MGA: variants seen among roughly 807,000 people sequenced by gnomAD.
MGA encodes the protein MAX gene-associated protein.
A neutral mutation model predicts 261.1 loss-of-function variants in MGA; 40 were observed. The observed-to-expected ratio is 0.15, with a 90% CI of 0.12 to 0.20. The LOEUF is 0.20. MGA is among the 10% of genes least tolerant of loss of function. MGA has a pLI of 1.00. For missense variants in MGA, 3,397 were observed against 3,630.5 expected, an observed-to-expected ratio of 0.94 and a Z score of 1.65; for synonymous variants, 1,302 against 1,290.6, an observed-to-expected ratio of 1.01 and a Z score of -0.19.
intron 1 of MGA, among the ~76,000 whole-genome samples, chr15:41,627,854 A>G (rs1445678260): frequency 6.6e-6 from 1 of 152,240 alleles, no homozygotes; most frequent in Non-Finnish European, 1.5e-5. Context: ...CTGGTAATCA[A>G]GAATTGGATC....
chr15:41,702,915 G>T (rs1240943749), intron 5 of MGA, among the ~76,000 whole-genome samples: 2 of 144,672 alleles, frequency 1.4e-5, no homozygotes, highest in Non-Finnish European at 3.0e-5. Flanking sequence ...GAAAAATTAA[G>T]AACACAGTGC....
chr15:41,661,302 CCT>C (rs1038987510), intron 1 of MGA, among the ~76,000 whole-genome samples: 1 of 151,922 alleles, frequency 6.6e-6, no homozygotes, highest in African/African-American at 2.4e-5. Flanking sequence ...AGGTCTCTGC[CCT>C]CAGTGCAAGG....
chr15:41,718,152 A>G (rs1029068611), intron 9 of MGA, among the ~76,000 whole-genome samples: 2 of 151,716 alleles, frequency 1.3e-5, no homozygotes, highest in African/African-American at 4.8e-5. Flanking sequence ...TTTGCCATAT[A>G]ACAGATTAAA....
intron 2 of MGA, among the ~76,000 whole-genome samples, chr15:41,692,288 G>A (rs955444494): frequency 1.3e-5 from 2 of 152,148 alleles, no homozygotes; most frequent in Non-Finnish European, 2.9e-5. Flanking sequence ...TTATTTCCAG[G>A]CCAGCCTTTC....
In MGA at chr15:41,748,009, C is replaced by A. The variant is rs776758470; in HGVS notation, c.5213-628C>A. 1.5e-3 allele frequency among the ~76,000 whole-genome samples: 226 copies of A among 152,280 alleles called. 2 individuals carry two copies. Among genetic ancestry groups the A allele is most frequent in the Non-Finnish European group, 6.3e-4 (43 of 68,020 alleles). ...TGGTGGCTCATGGCTGCAGTCCCAG[C>A]ACTTTGGAAGGCCGAGATGGCAGGA... On this transcript the variant is annotated intron_variant, in intron 15 of 23. Coordinates refer to ENST00000219905, the MANE Select transcript of MGA (RefSeq NM_001164273.2).
rs201801950 is a variant in MGA at position 41,725,865 on chromosome 15, T to A, written c.3431-1315T>A. Among the ~76,000 whole-genome samples the A allele has an allele frequency of 7.4e-3, 984 of 132,374 alleles. 256 individuals are homozygous for A. The highest frequency in any genetic ancestry group is 0.016 in the African/African-American group (495 of 30,062). 86.8% of individuals were successfully genotyped at this position (132,374 alleles called of 152,430 possible). A position where few individuals can be genotyped will look rare whatever the true frequency, so the allele number is the denominator to read the frequency against. On this transcript the variant is annotated intron_variant, in intron 9 of 23. Transcript: ENST00000219905. ...AAAAAAAAAAAAAAAAATAAATAAA[T>A]AAATAAATAAATAAGTAAACCCAGG... is the stretch of plus-strand genomic sequence containing the variant.
Position 41,757,811 on chromosome 15 carries a change from A to G in MGA, c.7163A>G (p.Asp2388Gly), listed in dbSNP as rs759831957. 9.3e-6 allele frequency: 15 copies of G among 1,610,650 alleles called. No individual in the cohort carries two copies. The Admixed American group carries it at 2.2e-4, about 23-fold the overall frequency. ...AGGTCCTGTACTCACATCTCTGCAG[A>G]TGAAAAAGCAGCTGAAAGGAGTCGA... The change falls in exon 19 of 24, where the codon GAT becomes GGT. Residue 2388 changes from aspartate (D) to glycine (G), a missense_variant. Physicochemically the swap from Asp to Gly is moderately conservative, Grantham distance 94 (BLOSUM62 -1). Around this residue, in one of 9 missense-constraint regions of MGA, gnomAD observed 1,410 missense variants for 1,386.4 expected, o/e 1.02. Coordinates refer to ENST00000219905, the MANE Select transcript of MGA (RefSeq NM_001164273.2).
intron 1 of MGA, among the ~76,000 whole-genome samples, chr15:41,625,743 A>C (rs994712687): frequency 6.6e-6 from 1 of 152,116 alleles, no homozygotes. Flanking sequence ...AAATAAATAA[A>C]TACGGTGCCT....
Position 41,734,577 on chromosome 15 carries a change from A to C in MGA, c.3899A>C (p.Asp1300Ala), listed in dbSNP as rs762287892. The change falls in exon 12 of 24, where the codon GAT becomes GCT. Residue 1300 changes from aspartate to alanine, a missense_variant. Asp to Ala is a moderately radical substitution (Grantham distance 126, BLOSUM62 -2). Transcript: ENST00000219905. ...CAACTCACCTGTGACTTGGAGGATGATTCTGATAAATTACAAGGTCAGAAT... is the reference window on the plus strand; with the variant it reads ...CAACTCACCTGTGACTTGGAGGATGCTTCTGATAAATTACAAGGTCAGAAT... The C allele has an allele frequency of 1.9e-6, 3 of 1,601,568 alleles. No homozygotes were observed. The East Asian group carries it at 6.7e-5, about 36-fold the overall frequency.
rs906804022 is a variant in MGA, at chr15:41,736,430, C to T, written c.4166C>T (p.Pro1389Leu). Residue 1389 changes from proline to leucine, a missense_variant, in exon 13 of 24, where the codon CCT becomes CTT. Physicochemically the swap from Pro to Leu is moderately conservative, Grantham distance 98. Transcript: ENST00000219905. Reference sequence around the variant, plus strand: ...AAGAGCCGGGGTGAGAAGAACCCTCCTGTTTATTCTTCTCGTGTGAAAATC... The same window carrying T: ...AAGAGCCGGGGTGAGAAGAACCCTCTTGTTTATTCTTCTCGTGTGAAAATC... The T allele has an allele frequency of 6.2e-7, 1 of 1,614,014 alleles. No homozygotes were observed. The highest frequency in any genetic ancestry group is 1.7e-5 in the Admixed American group (1 of 60,028).
At position 41,765,030 on chromosome 15, in the gene MGA, C is replaced by G; in HGVS notation, c.7889C>G (p.Pro2630Arg). The change falls in exon 23 of 24, where the codon CCT becomes CGT. Residue 2630 changes from proline (P) to arginine (R), a missense_variant. Around this residue, in one of 9 missense-constraint regions of MGA, gnomAD observed 647 missense variants for 642.4 expected, o/e 1.01. Coordinates refer to ENST00000219905, the MANE Select transcript of MGA (RefSeq NM_001164273.2). ...GATCTCTTAGAATCTGATCTTAAGC[C>G]TCAAGTTGCCGGTAGTGCTGTGGCT... 1 of 1,614,030 alleles carries G rather than the reference C, an allele frequency of 6.2e-7. No individual in the cohort carries two copies. Among genetic ancestry groups the G allele is most frequent in the Non-Finnish European group, 8.5e-7 (1 of 1,179,898 alleles).
Position 41,742,548 on chromosome 15 carries a change from G to T in MGA, c.4588G>T (p.Ala1530Ser). The T allele has an allele frequency of 6.2e-7, 1 of 1,611,016 alleles. No homozygotes were observed. Among genetic ancestry groups the T allele is most frequent in the Middle Eastern group, 1.8e-4 (1 of 5,658 alleles). ...GACCTGCAAATTTCTGTTTGCAGCG[G>T]CTCGACCCTCTCCTGGTGGTGTGTT... Residue 1530 changes from alanine to serine, a missense_variant and splice_region_variant, in exon 15 of 24, where the codon GCT becomes TCT. This residue lies in a region of MGA where 1,410 missense variants were observed against 1,386.4 expected (regional missense o/e 1.02). Coordinates refer to ENST00000219905, the MANE Select transcript of MGA (RefSeq NM_001164273.2).
chr15:41,696,105 C>T lies in MGA; in HGVS notation c.1095C>T (p.Ser365=). ...TTGCCAGCAGTTTTGAAGATGACTC[C>T]CGTGTAGCCTCACCGTTAGACCAGA... Residue 365 remains serine, a synonymous_variant, in exon 3 of 24, where the codon TCC becomes TCT. Coordinates refer to ENST00000219905, the MANE Select transcript of MGA (RefSeq NM_001164273.2). 2 of 1,612,030 alleles carry T rather than the reference C, an allele frequency of 1.2e-6. No individual in the cohort carries two copies. The highest frequency in any genetic ancestry group is 1.7e-6 in the Non-Finnish European group (2 of 1,179,070).
intron 18 of MGA, among the ~76,000 whole-genome samples, chr15:41,757,166 C>T (rs577093360): frequency 6.8e-4 from 103 of 152,242 alleles, no homozygotes; most frequent in Non-Finnish European, 4.6e-4. Flanking sequence ...TCATTATACG[C>T]TTGGTCCTCC....
At chr15:41,680,644 A>C (rs2058619903) in intron 2 of MGA, among the ~76,000 whole-genome samples, 2 of 152,342 alleles carry the variant, frequency 1.3e-5, no homozygotes, top group Admixed American at 6.5e-5. Flanking sequence ...TAAAGAATAC[A>C]AGTTAGGACC....
At chr15:41,689,053 C>T (rs2059122347) in intron 2 of MGA, among the ~76,000 whole-genome samples, 1 of 152,114 alleles carries the variant, frequency 6.6e-6, no homozygotes, top group Non-Finnish European at 1.5e-5. Context: ...TTTGGGCTTC[C>T]ACATACAAAT....
In MGA at chr15:41,696,256, A is replaced by G. The variant is rs1426796250; in HGVS notation, c.1246A>G (p.Asn416Asp). ...AGATGAAGAGACGGATGTATACTCA[A>G]ACAGTGATGATGATCCTATACTAGA... Residue 416 changes from asparagine (N) to aspartate (D), a missense_variant, in exon 3 of 24, where the codon AAC becomes GAC. By Grantham distance (23) the Asn-to-Asp change is conservative. This residue lies in a region of MGA where 563 missense variants were observed against 563.6 expected (regional missense o/e 1.00). Transcript: ENST00000219905. 3.7e-6 allele frequency: 6 copies of G among 1,613,948 alleles called. No homozygotes were observed. Among genetic ancestry groups the G allele is most frequent in the Non-Finnish European group, 5.1e-6 (6 of 1,179,894 alleles).
intron 22 of MGA, 98 bp downstream of exon 22, chr15:41,762,460 GGTTTT>G (rs2063520488): frequency 2.6e-5 from 5 of 190,524 alleles, no homozygotes; most frequent in South Asian, 1.2e-4. Flanking sequence ...AGTTTTGTGT[GGTTTT>G]TTTTTTTTTT....
chr15:41,691,314 A>T (rs899035384), intron 2 of MGA, among the ~76,000 whole-genome samples: 10 of 152,160 alleles, frequency 6.6e-5, no homozygotes, highest in African/African-American at 2.4e-4. Flanking sequence ...AAATGGAATT[A>T]CTTCCTCATT....
Sources: gnomAD v4.1 joint callset for allele counts (sites outside exome capture counted in the v4.1 genomes callset) on GRCh38, gnomAD v4.1.1 for gene constraint, gnomAD v4.1.1 regional missense constraint, MANE v1.5 for transcripts, NCBI Gene and HGNC (gene_info 2026-07-23, HGNC 2026-07-21) for gene names.